The following KCNT2 variants were observed in gnomAD, a reference collection of about 807,000 sequenced individuals.
The protein encoded by KCNT2 is potassium channel subfamily T member 2.
Under a neutral mutation model 153.8 loss-of-function variants are expected in KCNT2, and 67 were observed. The observed-to-expected ratio is 0.44, with a 90% CI of 0.36 to 0.53. The LOEUF (loss-of-function observed/expected upper bound fraction) is 0.53. Ranked by LOEUF, KCNT2 falls within the 20% of genes least tolerant of loss-of-function variation. KCNT2 has a pLI of 0.00. For synonymous variants in KCNT2, 500 were observed against 458.8 expected, an observed-to-expected ratio of 1.09 and a Z score of -1.15; for missense variants, 975 against 1,354.8, an observed-to-expected ratio of 0.72 and a Z score of 4.40.
intron 27 of KCNT2, among the ~76,000 whole-genome samples, chr1:196,231,640 C>T (rs1653965594): frequency 1.3e-5 from 2 of 151,754 alleles, no homozygotes; most frequent in South Asian, 4.1e-4. Flanking sequence ...GAGGAAGGAA[C>T]AGGAGGTGAT....
chr1:196,529,091 C>T (rs560777888), intron 1 of KCNT2, among the ~76,000 whole-genome samples: 9 of 151,988 alleles, frequency 5.9e-5, no homozygotes, highest in Non-Finnish European at 7.4e-5. Context: ...AGCAATGTAA[C>T]GGCTTAAAGT....
chr1:196,607,475 A>G (rs1665444806), intron 1 of KCNT2, among the ~76,000 whole-genome samples: 1 of 152,198 alleles, frequency 6.6e-6, no homozygotes, highest in South Asian at 2.1e-4. Context: ...GCTAACAATA[A>G]ATATTCTAGT....
intron 14 of KCNT2, among the ~76,000 whole-genome samples, chr1:196,353,361 C>T (rs1014760482): frequency 1.3e-4 from 19 of 151,894 alleles, no homozygotes; most frequent in Admixed American, 4.6e-4. Context: ...TCACCCTCTC[C>T]GATCATCTCT....
intron 13 of KCNT2, among the ~76,000 whole-genome samples, chr1:196,392,383 A>T (rs978171336): frequency 6.6e-6 from 1 of 151,348 alleles, no homozygotes; most frequent in East Asian, 1.9e-4. Flanking sequence ...CATCCAAAAA[A>T]ATGAGAATTT....
intron 1 of KCNT2, among the ~76,000 whole-genome samples, chr1:196,558,119 AGAGT>A (rs1275486051): frequency 6.6e-6 from 1 of 151,428 alleles, no homozygotes; most frequent in Admixed American, 6.6e-5. Flanking sequence ...ATATTAAGAT[AGAGT>A]GAATTATTGA....
chr1:196,426,180 T>C lies in KCNT2; in HGVS notation c.985-192A>G, dbSNP rs187073701. On this transcript the variant is annotated intron_variant, in intron 10 of 27. Coordinates refer to ENST00000294725, the MANE Select transcript of KCNT2 (RefSeq NM_198503.5). Reference sequence around the variant, plus strand: ...CACTATAATAAATACAACTGGGACATACACAAATCTCATAAATCAATAAAT... The same window carrying C: ...CACTATAATAAATACAACTGGGACACACACAAATCTCATAAATCAATAAAT... Among the ~76,000 whole-genome samples the C allele has an allele frequency of 7.1e-4, 108 of 152,134 alleles. 1 individual carries two copies. The highest frequency in any genetic ancestry group is 8.7e-4 in the Non-Finnish European group (59 of 67,976).
intron 26 of KCNT2, among the ~76,000 whole-genome samples, chr1:196,252,862 C>A (rs567813506): frequency 7.3e-5 from 11 of 150,992 alleles, no homozygotes; most frequent in African/African-American, 2.4e-4. Flanking sequence ...TTTTTTCCTA[C>A]TCTCAAGATG....
At chr1:196,228,487 GTTGGCCTTTACAAT>G (rs1653666088) in intron 27 of KCNT2, 152 bp from the exon 28 acceptor site, 1 of 512,838 alleles carries the variant, frequency 1.9e-6, no homozygotes, top group Admixed American at 3.8e-5. Context: ...TCACTGTTTG[GTTGGCCTTTACAAT>G]TTGGCATGGT....
At chr1:196,260,363 A>C (rs911297667) in intron 25 of KCNT2, among the ~76,000 whole-genome samples, 16 of 151,844 alleles carry the variant, frequency 1.1e-4, no homozygotes, top group African/African-American at 3.6e-4. Flanking sequence ...GATTTTGTGA[A>C]TGCTTTTCTT....
chr1:196,381,332 C>T (rs192455550), intron 13 of KCNT2, among the ~76,000 whole-genome samples: 6 of 151,964 alleles, frequency 3.9e-5, no homozygotes, highest in Admixed American at 3.9e-4. Flanking sequence ...AAATTATTTT[C>T]CTCCAATTTC....
intron 1 of KCNT2, among the ~76,000 whole-genome samples, chr1:196,524,635 C>G (rs1653934055): frequency 1.3e-5 from 2 of 151,998 alleles, no homozygotes. Context: ...GAAGTTCACA[C>G]TAAAGTCATA....
At chr1:196,578,921 A>T (rs1661694421) in intron 1 of KCNT2, among the ~76,000 whole-genome samples, 2 of 152,076 alleles carry the variant, frequency 1.3e-5, no homozygotes. Context: ...GACCACTTTT[A>T]TGTTCACAGC....
intron 1 of KCNT2, among the ~76,000 whole-genome samples, chr1:196,566,187 G>T (rs1660088545): frequency 6.6e-6 from 1 of 151,990 alleles, no homozygotes; most frequent in Admixed American, 6.6e-5. Context: ...GCCAAGGAGA[G>T]TGAGACTATT....
chr1:196,381,903 T>A (rs908273629), intron 13 of KCNT2, among the ~76,000 whole-genome samples: 1 of 152,152 alleles, frequency 6.6e-6, no homozygotes, highest in Non-Finnish European at 1.5e-5. Flanking sequence ...ACTAAAATAA[T>A]TTGAATGACT....
chr1:196,485,938 A>G (rs1315174893), intron 3 of KCNT2, among the ~76,000 whole-genome samples: 2 of 151,978 alleles, frequency 1.3e-5, no homozygotes, highest in African/African-American at 2.4e-5. Context: ...AAAAAACACT[A>G]GGAGGAAAGA....
intron 1 of KCNT2, among the ~76,000 whole-genome samples, chr1:196,583,343 A>G (rs1457152776): frequency 6.6e-6 from 1 of 152,112 alleles, no homozygotes; most frequent in Non-Finnish European, 1.5e-5. Context: ...CAGAGGGTAA[A>G]TAGTTTCAAA....
At chr1:196,599,087 T>G (rs541136500) in intron 1 of KCNT2, among the ~76,000 whole-genome samples, 46 of 152,338 alleles carry the variant, frequency 3.0e-4, no homozygotes, top group African/African-American at 1.1e-3. Context: ...GTCATTACCA[T>G]CACTCCTTAA....
chr1:196,515,080 G>A (rs1681940291), intron 1 of KCNT2, among the ~76,000 whole-genome samples: 1 of 152,128 alleles, frequency 6.6e-6, no homozygotes, highest in Non-Finnish European at 1.5e-5. Flanking sequence ...AGGATATCTG[G>A]GAAACTTTTA....
chr1:196,402,388 A>C (rs1165753346), intron 12 of KCNT2, among the ~76,000 whole-genome samples: 1 of 151,632 alleles, frequency 6.6e-6, no homozygotes, highest in African/African-American at 2.4e-5. Flanking sequence ...ATCTAACAAC[A>C]ATAACATAAG....
Sources: allele counts gnomAD v4.1 joint callset (sites outside exome capture counted in the v4.1 genomes callset), GRCh38; gene constraint gnomAD v4.1.1; transcripts MANE v1.5; gene names NCBI Gene and HGNC (gene_info 2026-07-23, HGNC 2026-07-21).